Variants in SEMA6D observed in about 807,000 individuals in gnomAD.
SEMA6D encodes semaphorin 6D, also known as semaphorin-6D.
In SEMA6D, 35 loss-of-function variants were observed where a neutral mutation model predicts 106.6. The observed-to-expected ratio is 0.33, with a 90% CI of 0.25 to 0.44. The LOEUF (loss-of-function observed/expected upper bound fraction) is 0.44. Among genes scored for constraint, SEMA6D ranks in the 20% least tolerant of loss-of-function variants. SEMA6D has a pLI of 1.00. For synonymous variants in SEMA6D, 499 were observed against 487.7 expected, an observed-to-expected ratio of 1.02 and a Z score of -0.31; for missense variants, 1,185 against 1,345.9, an observed-to-expected ratio of 0.88 and a Z score of 1.87.
At chr15:47,243,248 G>A (rs951241370) in intron 1 of SEMA6D, among the ~76,000 whole-genome samples, 2 of 152,036 alleles carry the variant, frequency 1.3e-5, no homozygotes, top group Non-Finnish European at 1.5e-5. Flanking sequence ...TCACTGTTGC[G>A]CATACCCAGA....
chr15:47,350,097 G>A (rs899056473), intron 1 of SEMA6D, among the ~76,000 whole-genome samples: 2 of 151,818 alleles, frequency 1.3e-5, no homozygotes, highest in Non-Finnish European at 2.9e-5. Flanking sequence ...GGTCCCATAA[G>A]TGTTTTCATT....
At chr15:47,422,163 T>TGCCC (rs200254927) in intron 2 of SEMA6D, among the ~76,000 whole-genome samples, 4 of 127,586 alleles carry the variant, frequency 3.1e-5, no homozygotes, top group South Asian at 5.3e-4. Flanking sequence ...TCTTATTTTT[T>TGCCC]GCCCGCCCGC....
chr15:47,555,104 G>A (rs1056656820), intron 3 of SEMA6D, among the ~76,000 whole-genome samples: 2 of 152,148 alleles, frequency 1.3e-5, no homozygotes, highest in African/African-American at 4.8e-5. Flanking sequence ...CGTACAACAA[G>A]TAAAGGTAGA....
intron 1 of SEMA6D, among the ~76,000 whole-genome samples, chr15:47,338,760 T>C (rs1392549138): frequency 1.3e-5 from 2 of 152,148 alleles, no homozygotes; most frequent in African/African-American, 2.4e-5. Flanking sequence ...ATGATAGATA[T>C]ATTGGTTTTT....
chr15:47,752,193 CTTG>C (rs1429463386), intron 1 of SEMA6D, among the ~76,000 whole-genome samples: 1 of 152,178 alleles, frequency 6.6e-6, no homozygotes, highest in Non-Finnish European at 1.5e-5. Context: ...AAAGATCATT[CTTG>C]TTGTATCTAG....
intron 1 of SEMA6D, among the ~76,000 whole-genome samples, chr15:47,193,942 C>T (rs1041334306): frequency 2.0e-5 from 3 of 152,018 alleles, no homozygotes; most frequent in Non-Finnish European, 4.4e-5. Flanking sequence ...TATTTCATGA[C>T]TAGATTTTAA....
chr15:47,445,633 A>G (rs900704551), intron 2 of SEMA6D, among the ~76,000 whole-genome samples: 2 of 151,970 alleles, frequency 1.3e-5, no homozygotes, highest in African/African-American at 4.8e-5. Flanking sequence ...CCTTCTTTCT[A>G]TGTGTTACCT....
At chr15:47,494,876 G>A (rs911262053) in intron 3 of SEMA6D, among the ~76,000 whole-genome samples, 1 of 145,478 alleles carries the variant, frequency 6.9e-6, no homozygotes, top group East Asian at 2.0e-4. Flanking sequence ...CCATTGTTTT[G>A]ATTGCTAGCA....
intron 1 of SEMA6D, among the ~76,000 whole-genome samples, chr15:47,358,034 T>C (rs774474591): frequency 2.6e-5 from 4 of 152,230 alleles, no homozygotes; most frequent in Non-Finnish European, 5.9e-5. Flanking sequence ...AATCTCCATA[T>C]TTCCGTAGAC....
chr15:47,372,842 A>C, intron 1 of SEMA6D, among the ~76,000 whole-genome samples: 1 of 152,180 alleles, frequency 6.6e-6, no homozygotes, highest in East Asian at 1.9e-4. Context: ...TGCTAATTCT[A>C]GTCGATAATC....
intron 1 of SEMA6D, among the ~76,000 whole-genome samples, chr15:47,198,339 A>T (rs972463242): frequency 6.6e-6 from 1 of 152,178 alleles, no homozygotes; most frequent in Non-Finnish European, 1.5e-5. Context: ...ACTACAAAAT[A>T]TGACAACTCT....
intron 1 of SEMA6D, among the ~76,000 whole-genome samples, chr15:47,347,564 G>A (rs2038098296): frequency 6.8e-6 from 1 of 147,902 alleles, no homozygotes; most frequent in African/African-American, 2.6e-5. Context: ...AGTGTTCAAA[G>A]TAATAGTGCT....
chr15:47,762,701 A>G (rs2147760270), intron 8 of SEMA6D, among the ~76,000 whole-genome samples: 1 of 152,304 alleles, frequency 6.6e-6, no homozygotes. Context: ...AGAAATCAAG[A>G]TTTTTTATTT....
At chr15:47,383,839 G>A (rs542280161) in intron 1 of SEMA6D, among the ~76,000 whole-genome samples, 1 of 152,270 alleles carries the variant, frequency 6.6e-6, no homozygotes, top group East Asian at 1.9e-4. Flanking sequence ...AGCATGCTGA[G>A]AAATTTTAGC....
chr15:47,638,164 A>T (rs978825603), intron 4 of SEMA6D, among the ~76,000 whole-genome samples: 2 of 152,260 alleles, frequency 1.3e-5, no homozygotes, highest in Non-Finnish European at 2.9e-5. Context: ...TAGCAATTTC[A>T]TAACAGTTTC....
intron 2 of SEMA6D, among the ~76,000 whole-genome samples, chr15:47,435,724 A>G (rs1340902716): frequency 2.0e-5 from 3 of 152,052 alleles, no homozygotes; most frequent in African/African-American, 7.2e-5. Flanking sequence ...TTTTTTAAAA[A>G]ACTGTTTTTC....
At chr15:47,186,518 C>T (rs747332655) in intron 1 of SEMA6D, among the ~76,000 whole-genome samples, 1 of 109,170 alleles carries the variant, frequency 9.2e-6, no homozygotes, top group Admixed American at 1.2e-4. Context: ...TTCATAGCAG[C>T]ATTCGTACCT....
In SEMA6D at chr15:47,475,514, G is replaced by C. The variant is rs395367; in HGVS notation, c.-87+4969G>C. ...GTTTGTGTAGGCAACCTGAATGCTA[G>C]CTGGAAAGCCCCCATACACTCAATC... On this transcript the variant is annotated intron_variant, in intron 3 of 19. Transcript: ENST00000558014. Among the ~76,000 whole-genome samples the C allele has an allele frequency of 1.7e-3, 258 of 152,232 alleles. 2 individuals are homozygous for C. Among genetic ancestry groups the C allele is most frequent in the African/African-American group, 5.8e-3 (240 of 41,552 alleles).
intron 1 of SEMA6D, chr15:47,275,180 T>C (rs1022118756): frequency 3.3e-5 from 5 of 152,172 alleles, no homozygotes; most frequent in Admixed American, 2.6e-4. Context: ...ATATTTAGCT[T>C]CATGATTGCC....
Sources: gnomAD v4.1 joint callset for allele counts (sites outside exome capture counted in the v4.1 genomes callset) on GRCh38, gnomAD v4.1.1 for gene constraint, MANE v1.5 for transcripts, NCBI Gene and HGNC (gene_info 2026-07-23, HGNC 2026-07-21) for gene names.